The following PTPRG variants were observed in gnomAD, a reference collection of about 807,000 sequenced individuals.
PTPRG encodes protein tyrosine phosphatase receptor type G.
PTPRG carries 102 observed loss-of-function variants against 165.3 expected under a neutral mutation model. That is an observed-to-expected ratio of 0.62 (90% CI 0.53 to 0.73). The LOEUF (loss-of-function observed/expected upper bound fraction) is 0.73. Among genes scored for constraint, PTPRG ranks in the 30% least tolerant of loss-of-function variants. The probability of loss-of-function intolerance (pLI) is 0.00; values close to 1 mark genes in which losing one functional copy is unlikely to be tolerated. For missense variants in PTPRG, 1,866 were observed against 1,861.4 expected, an observed-to-expected ratio of 1.00 and a Z score of -0.05; for synonymous variants, 675 against 669.5, an observed-to-expected ratio of 1.01 and a Z score of -0.13.
chr3:61,829,139 C>G (rs930807634), intron 2 of PTPRG, among the ~76,000 whole-genome samples: 5 of 152,276 alleles, frequency 3.3e-5, no homozygotes, highest in Middle Eastern at 3.4e-3. Context: ...GGAAGATACT[C>G]AGTATTTGTT....
At position 62,281,550 on chromosome 3, in the gene PTPRG, T is replaced by TTTTTTTTTTTTTTTTTTTTTTTTTTTG; in HGVS notation, c.3766-12_3766-11insTTTTTTTTTTTTTTTTTTTTTTTTTGT. 1 of 1,466,562 alleles carries TTTTTTTTTTTTTTTTTTTTTTTTTTTG rather than the reference T, an allele frequency of 6.8e-7. No homozygotes were observed. Among genetic ancestry groups the TTTTTTTTTTTTTTTTTTTTTTTTTTTG allele is most frequent in the Non-Finnish European group, 9.2e-7 (1 of 1,092,610 alleles). 90.8% of individuals were successfully genotyped at this position (1,466,562 alleles called of 1,614,324 possible). Reference sequence around the variant, plus strand: ...AGAACTGCAGAGGCTTTTTTTTTTTTTGGATTCCAAAGGCAGAAGATGAGT... The same window carrying TTTTTTTTTTTTTTTTTTTTTTTTTTTG: ...AGAACTGCAGAGGCTTTTTTTTTTTTTTTTTTTTTTTTTTTTTTTTTTTTTTGTGGATTCCAAAGGCAGAAGATGAGT... On this transcript the variant is annotated splice_polypyrimidine_tract_variant and intron_variant, in intron 26 of 29. Coordinates refer to ENST00000474889, the MANE Select transcript of PTPRG (RefSeq NM_002841.4).
chr3:62,201,940 A>G (rs895023189), intron 11 of PTPRG, among the ~76,000 whole-genome samples: 1 of 152,228 alleles, frequency 6.6e-6, no homozygotes, highest in African/African-American at 2.4e-5. Flanking sequence ...CAGAATTAAT[A>G]TCTTAGTTTC....
intron 1 of PTPRG, among the ~76,000 whole-genome samples, chr3:61,645,991 C>T (rs1292247150): frequency 6.6e-6 from 1 of 152,190 alleles, no homozygotes; most frequent in Non-Finnish European, 1.5e-5. Context: ...TTACTATGTG[C>T]AGAGGCCATA....
rs142806848 is a variant in PTPRG at position 62,079,446 on chromosome 3, A to G, written c.615+1188A>G. Among the ~76,000 whole-genome samples the G allele has an allele frequency of 2.6e-5, 4 of 152,370 alleles. No individual in the cohort carries two copies. In the East Asian group the frequency reaches 7.7e-4, roughly 29 times the overall value. Reference sequence around the variant, plus strand: ...ATCAGCATTTTAAAAACAGTGACGTAAAATAATATAGAATAGGAAATAAGT... The same window carrying G: ...ATCAGCATTTTAAAAACAGTGACGTGAAATAATATAGAATAGGAAATAAGT... On this transcript the variant is annotated intron_variant, in intron 5 of 29. Transcript: ENST00000474889.
intron 2 of PTPRG, among the ~76,000 whole-genome samples, chr3:61,895,288 G>A (rs555427945): frequency 4.6e-5 from 7 of 152,286 alleles, no homozygotes; most frequent in Non-Finnish European, 8.8e-5. Flanking sequence ...TTCTTGGACC[G>A]TACTTTTAGG....
chr3:61,937,613 G>A (rs2039512217), intron 2 of PTPRG, among the ~76,000 whole-genome samples: 1 of 152,166 alleles, frequency 6.6e-6, no homozygotes, highest in Non-Finnish European at 1.5e-5. Flanking sequence ...TACTTCATAA[G>A]TTCTCTCTTC....
At chr3:61,947,269 A>G (rs917556980) in intron 2 of PTPRG, among the ~76,000 whole-genome samples, 1 of 152,228 alleles carries the variant, frequency 6.6e-6, no homozygotes, top group African/African-American at 2.4e-5. Flanking sequence ...AGTATATAAA[A>G]GACTTGTTTA....
At chr3:61,926,294 C>A (rs1007928553) in intron 2 of PTPRG, among the ~76,000 whole-genome samples, 2 of 151,950 alleles carry the variant, frequency 1.3e-5, no homozygotes, top group African/African-American at 4.8e-5. Flanking sequence ...ATGGGGGTGG[C>A]TTTTCATGAA....
intron 2 of PTPRG, among the ~76,000 whole-genome samples, chr3:61,942,121 A>G (rs1464879090): frequency 1.3e-5 from 2 of 151,116 alleles, no homozygotes; most frequent in African/African-American, 4.9e-5. Context: ...TCGCGCTACT[A>G]CACTCCAGCC....
At chr3:61,752,346 G>A (rs2033465703) in intron 2 of PTPRG, among the ~76,000 whole-genome samples, 1 of 152,126 alleles carries the variant, frequency 6.6e-6, no homozygotes, top group African/African-American at 2.4e-5. Flanking sequence ...ATTATCTATG[G>A]CTGCTTTTGT....
intron 2 of PTPRG, among the ~76,000 whole-genome samples, chr3:61,924,363 T>G (rs2039154448): frequency 1.3e-5 from 2 of 152,220 alleles, no homozygotes; most frequent in Admixed American, 1.3e-4. Context: ...AAATGGAGTT[T>G]GTGGTGGAAG....
intron 4 of PTPRG, among the ~76,000 whole-genome samples, chr3:62,017,466 A>G (rs2041573007): frequency 6.7e-6 from 1 of 150,358 alleles, no homozygotes. Context: ...CCCAGGCTGG[A>G]GTGCAGTGGC....
intron 2 of PTPRG, among the ~76,000 whole-genome samples, chr3:61,984,064 T>A (rs144783136): frequency 3.7e-3 from 558 of 152,312 alleles, no homozygotes; most frequent in Middle Eastern, 0.01. Context: ...AGGAATTCTA[T>A]CTGCCTTAAA....
chr3:61,858,236 T>A (rs902118541), intron 2 of PTPRG, among the ~76,000 whole-genome samples: 1 of 152,182 alleles, frequency 6.6e-6, no homozygotes, highest in Non-Finnish European at 1.5e-5. Context: ...AATACAGAAG[T>A]ACATTTTACA....
chr3:61,585,073 G>A (rs1001590970), intron 1 of PTPRG, among the ~76,000 whole-genome samples: 1 of 151,950 alleles, frequency 6.6e-6, no homozygotes, highest in Non-Finnish European at 1.5e-5. Flanking sequence ...TTGAGCTCAG[G>A]AGTTCCAGAC....
At chr3:62,094,057 C>A (rs1702030493) in intron 5 of PTPRG, among the ~76,000 whole-genome samples, 1 of 152,172 alleles carries the variant, frequency 6.6e-6, no homozygotes, top group Non-Finnish European at 1.5e-5. Flanking sequence ...TTTGATGCCT[C>A]AAACCTGTAA....
intron 1 of PTPRG, among the ~76,000 whole-genome samples, chr3:61,675,307 T>C (rs1258656306): frequency 6.6e-6 from 1 of 152,052 alleles, no homozygotes; most frequent in Non-Finnish European, 1.5e-5. Flanking sequence ...TTTAGGAAAA[T>C]ATAGAAAAAT....
At chr3:62,274,210 A>T (rs1702162143) in intron 23 of PTPRG, among the ~76,000 whole-genome samples, 2 of 152,304 alleles carry the variant, frequency 1.3e-5, no homozygotes, top group East Asian at 1.9e-4. Flanking sequence ...TGACTTGTAG[A>T]CATATTGTCC....
intron 28 of PTPRG, among the ~76,000 whole-genome samples, chr3:62,287,239 T>G (rs980714531): frequency 6.6e-6 from 1 of 152,162 alleles, no homozygotes; most frequent in Non-Finnish European, 1.5e-5. Context: ...AATGTTAAAT[T>G]CTTCCCCTCC....
Sources: allele counts gnomAD v4.1 joint callset (sites outside exome capture counted in the v4.1 genomes callset), GRCh38; gene constraint gnomAD v4.1.1; transcripts MANE v1.5; gene names NCBI Gene and HGNC (gene_info 2026-07-23, HGNC 2026-07-21).